CRYBG1: variants seen among roughly 807,000 people sequenced by gnomAD.
CRYBG1 encodes beta/gamma crystallin domain-containing protein 1.
Under a neutral mutation model 189.2 loss-of-function variants are expected in CRYBG1, and 139 were observed. That is an observed-to-expected ratio of 0.73 (90% CI 0.64 to 0.85). CRYBG1 has a LOEUF of 0.85. Ranked by LOEUF, CRYBG1 falls within the 40% of genes least tolerant of loss-of-function variation. The probability of loss-of-function intolerance (pLI) is 0.00; values close to 1 mark genes in which losing one functional copy is unlikely to be tolerated. For synonymous variants in CRYBG1, 1,023 were observed against 1,017.1 expected, an observed-to-expected ratio of 1.01 and a Z score of -0.11; for missense variants, 2,611 against 2,675.8, an observed-to-expected ratio of 0.98 and a Z score of 0.53.
intron 2 of CRYBG1, among the ~76,000 whole-genome samples, chr6:106,453,612 C>CA (rs1357403299): frequency 6.6e-6 from 1 of 152,164 alleles, no homozygotes; most frequent in Admixed American, 6.5e-5. Context: ...TAACATAAAA[C>CA]AAAAATAATT....
chr6:106,520,250 C>G lies in CRYBG1; in HGVS notation c.3042C>G (p.His1014Gln). ...PPQEEVLGNE[H>Q]SHCTAELAAK... ...AAGAGGAAGTACTGGGCAATGAACA[C>G]TCTCATTGCACAGCAGAGCTCGCGG... Residue 1014 changes from histidine to glutamine, a missense_variant, in exon 4 of 22, where the codon CAC becomes CAG. Physicochemically the swap from His to Gln is conservative, Grantham distance 24 (BLOSUM62 0). Coordinates refer to ENST00000633556, the MANE Select transcript of CRYBG1 (RefSeq NM_001371242.2). 2 of 1,614,152 alleles carry G rather than the reference C, an allele frequency of 1.2e-6. No individual in the cohort carries two copies. The highest frequency in any genetic ancestry group is 1.7e-6 in the Non-Finnish European group (2 of 1,180,022).
At chr6:106,551,725 T>G in intron 13 of CRYBG1, 127 bp from the exon 14 acceptor site, 1 of 1,030,748 alleles carries the variant, frequency 9.7e-7, no homozygotes, top group Non-Finnish European at 1.5e-6. Context: ...TAATGGAGAA[T>G]CAGAAAAATT....
intron 2 of CRYBG1, among the ~76,000 whole-genome samples, chr6:106,483,679 GTTTTC>G (rs145124851): frequency 0.11 from 16,961 of 151,932 alleles, 1,169 homozygotes; most frequent in East Asian, 0.27. Flanking sequence ...GACAACACTT[GTTTTC>G]TTTTATCTTT....
intron 2 of CRYBG1, among the ~76,000 whole-genome samples, chr6:106,475,503 T>G (rs1187880062): frequency 2.0e-5 from 3 of 152,124 alleles, no homozygotes; most frequent in Non-Finnish European, 4.4e-5. Context: ...AGGTGATATT[T>G]GGGAAGGAAA....
intron 1 of CRYBG1, among the ~76,000 whole-genome samples, chr6:106,377,029 A>T (rs1265459947): frequency 6.6e-6 from 1 of 152,202 alleles, no homozygotes; most frequent in Non-Finnish European, 1.5e-5. Context: ...CATTGTATTG[A>T]ACACCTGTGC....
chr6:106,375,133 A>C (rs1364082438), intron 1 of CRYBG1, among the ~76,000 whole-genome samples: 1 of 152,116 alleles, frequency 6.6e-6, no homozygotes, highest in Admixed American at 6.6e-5. Flanking sequence ...CTATAATCGC[A>C]ACACCTTGGG....
At chr6:106,415,802 C>G (rs1582750071) in intron 1 of CRYBG1, among the ~76,000 whole-genome samples, 1 of 152,120 alleles carries the variant, frequency 6.6e-6, no homozygotes, top group Non-Finnish European at 1.5e-5. Flanking sequence ...GACAGGCATT[C>G]AAATGCTGGC....
chr6:106,430,904 C>G (rs1771313582), intron 1 of CRYBG1, among the ~76,000 whole-genome samples: 2 of 152,268 alleles, frequency 1.3e-5, no homozygotes, highest in African/African-American at 4.8e-5. Context: ...CTCTGTCACC[C>G]AGGCTGCAGT....
rs78884745 is a variant in CRYBG1 at position 106,429,659 on chromosome 6, G to T, written c.174-22035G>T. ...AATAGTTAAACAGCTTTCAGATCAC[G>T]CCGGACAGGTTCAGATCCCAGCTCC... On this transcript the variant is annotated intron_variant, in intron 1 of 21. Transcript: ENST00000633556. 7.3e-3 allele frequency among the ~76,000 whole-genome samples: 1,105 copies of T among 152,282 alleles called. 17 individuals are homozygous for T. Among genetic ancestry groups the T allele is most frequent in the African/African-American group, 0.025 (1,053 of 41,564 alleles).
At chr6:106,365,450 C>T (rs1317533974) in intron 1 of CRYBG1, among the ~76,000 whole-genome samples, 1 of 23,882 alleles carries the variant, frequency 4.2e-5, no homozygotes, top group South Asian at 1.5e-3. Flanking sequence ...CGAAACAAAA[C>T]CAAAAAAAAA....
chr6:106,561,247 C>A, intron 19 of CRYBG1, 95 bp from the exon 20 acceptor site: 2 of 1,324,436 alleles, frequency 1.5e-6, no homozygotes, highest in Non-Finnish European at 2.1e-6. Flanking sequence ...ACCCTTAATC[C>A]ATATCTCACT....
chr6:106,535,404 ATTG>A (rs1428510990), intron 8 of CRYBG1, among the ~76,000 whole-genome samples: 2 of 152,186 alleles, frequency 1.3e-5, no homozygotes, highest in African/African-American at 2.4e-5. Flanking sequence ...TGACCCAATA[ATTG>A]TTATCATTTT....
At chr6:106,438,628 C>T (rs9400004) in intron 1 of CRYBG1, among the ~76,000 whole-genome samples, 44,040 of 152,018 alleles carry the variant, frequency 0.29, 6,818 homozygotes, top group South Asian at 0.4. Context: ...TGTTTGCTTT[C>T]CCATAACATG....
chr6:106,394,859 AT>A (rs34252257), intron 1 of CRYBG1, among the ~76,000 whole-genome samples: 9,108 of 142,032 alleles, frequency 0.064, 392 homozygotes, highest in East Asian at 0.17. Context: ...ACACAGCAGA[AT>A]TTTTTTTTTT....
At position 106,530,158 on chromosome 6, in the gene CRYBG1, G is replaced by A. The variant is rs774182007; in HGVS notation, c.4579-18G>A. The A allele has an allele frequency of 2.5e-6, 4 of 1,597,880 alleles. No homozygotes were observed. Among genetic ancestry groups the A allele is most frequent in the Non-Finnish European group, 3.4e-6 (4 of 1,169,820 alleles). ...ACATGGTGCAATTCTTACTATCTAT[G>A]CATCTATATTTTTTCAGGATTACAG... On this transcript the variant is annotated intron_variant, in intron 7 of 21. Transcript: ENST00000633556.
chr6:106,487,639 G>T (rs1282945740), intron 2 of CRYBG1, among the ~76,000 whole-genome samples: 1 of 152,006 alleles, frequency 6.6e-6, no homozygotes, highest in Non-Finnish European at 1.5e-5. Context: ...GAATTCTTCA[G>T]CTCCAAGATT....
At chr6:106,506,080 C>T (rs1218436090) in intron 2 of CRYBG1, among the ~76,000 whole-genome samples, 6 of 152,182 alleles carry the variant, frequency 3.9e-5, no homozygotes, top group Non-Finnish European at 7.3e-5. Flanking sequence ...TCCATCAACA[C>T]GTGGAATCCT....
chr6:106,547,942 T>A (rs1404488423), intron 13 of CRYBG1, among the ~76,000 whole-genome samples: 1 of 152,236 alleles, frequency 6.6e-6, no homozygotes, highest in Non-Finnish European at 1.5e-5. Flanking sequence ...GCTAGTTTTT[T>A]AAAACTAGGA....
intron 1 of CRYBG1, among the ~76,000 whole-genome samples, chr6:106,427,956 C>T (rs911070300): frequency 1.3e-5 from 2 of 152,152 alleles, no homozygotes; most frequent in African/African-American, 2.4e-5. Flanking sequence ...AATGCTCTTC[C>T]CCAGATGTGT....
Sources: allele counts gnomAD v4.1 joint callset (sites outside exome capture counted in the v4.1 genomes callset), GRCh38; gene constraint gnomAD v4.1.1; transcripts MANE v1.5; gene names NCBI Gene and HGNC (gene_info 2026-07-23, HGNC 2026-07-21).